Variants in STARD13 observed in about 807,000 individuals in gnomAD.
STARD13 encodes the protein stAR-related lipid transfer protein 13.
A neutral mutation model predicts 106.4 loss-of-function variants in STARD13; 62 were observed. The observed-to-expected ratio is 0.58, with a 90% CI of 0.48 to 0.72. The LOEUF (loss-of-function observed/expected upper bound fraction) is 0.72, where lower values mean the gene tolerates loss of function less well. Ranked by LOEUF, STARD13 falls within the 30% of genes least tolerant of loss-of-function variation. The pLI is 0.00. For synonymous variants in STARD13, 565 were observed against 553.0 expected, an observed-to-expected ratio of 1.02 and a Z score of -0.31; for missense variants, 1,387 against 1,424.0, an observed-to-expected ratio of 0.97 and a Z score of 0.42.
the STARD13 span, among the ~76,000 whole-genome samples, chr13:33,569,478 A>G: frequency 6.8e-6 from 1 of 147,686 alleles, no homozygotes; most frequent in Non-Finnish European, 1.5e-5. Context: ...GAGGGTTTTT[A>G]TGTTCAATTG....
chr13:33,118,563 T>C (rs1177335852), intron 7 of STARD13, among the ~76,000 whole-genome samples: 1 of 152,222 alleles, frequency 6.6e-6, no homozygotes, highest in African/African-American at 2.4e-5. Flanking sequence ...TTTTATTCAT[T>C]TATTCAACAA....
chr13:33,262,994 G>A (rs776325661), intron 1 of STARD13, among the ~76,000 whole-genome samples: 1 of 152,150 alleles, frequency 6.6e-6, no homozygotes, highest in Non-Finnish European at 1.5e-5. Context: ...ACATGAGACC[G>A]AAGATCTCAA....
chr13:33,168,864 A>C (rs1883625149), intron 1 of STARD13, among the ~76,000 whole-genome samples: 1 of 152,246 alleles, frequency 6.6e-6, no homozygotes, highest in Non-Finnish European at 1.5e-5. Context: ...TTACTCAGGC[A>C]TCACCAGGAA....
At chr13:33,617,066 A>G in the STARD13 span, among the ~76,000 whole-genome samples, 1 of 152,140 alleles carries the variant, frequency 6.6e-6, no homozygotes, top group African/African-American at 2.4e-5. Flanking sequence ...TTAAAATGGA[A>G]CTATAAGCGT....
At chr13:33,274,988 C>T (rs1461894727) in intron 1 of STARD13, among the ~76,000 whole-genome samples, 2 of 152,104 alleles carry the variant, frequency 1.3e-5, no homozygotes, top group African/African-American at 2.4e-5. Flanking sequence ...CAAGTGATTC[C>T]GAGAGCTAGG....
chr13:33,450,191 T>C, the STARD13 span, among the ~76,000 whole-genome samples: 2 of 152,204 alleles, frequency 1.3e-5, no homozygotes, highest in African/African-American at 4.8e-5. Flanking sequence ...TTCAGCTTTT[T>C]CCCTTTCAGA....
the STARD13 span, among the ~76,000 whole-genome samples, chr13:33,656,553 A>T: frequency 2.6e-5 from 4 of 152,226 alleles, no homozygotes; most frequent in Non-Finnish European, 5.9e-5. Context: ...CTCATTGGTC[A>T]TGTAGACATT....
the STARD13 span, among the ~76,000 whole-genome samples, chr13:33,464,010 T>C: frequency 4.3e-5 from 6 of 139,544 alleles, no homozygotes; most frequent in African/African-American, 1.5e-4. Flanking sequence ...AGACTCCGTC[T>C]CAAAAAAAAA....
chr13:33,439,605 G>T, the STARD13 span: 860 of 592,996 alleles, frequency 1.5e-3, 9 homozygotes, highest in African/African-American at 0.015. Flanking sequence ...AACACTTATG[G>T]CATGTTTAAA....
rs773662077 is a variant in STARD13 at position 33,186,346 on chromosome 13, CAG to C, written c.170-18726_170-18725del. On this transcript the variant is annotated intron_variant, in intron 1 of 13. Transcript: ENST00000336934. ...ATGTTCCACTCATTCACATTCTCAACAGAGTCTTTTAGTAGCGAACAGAACTC... is the reference window on the plus strand; with the variant it reads ...ATGTTCCACTCATTCACATTCTCAACAGTCTTTTAGTAGCGAACAGAACTC... Among the ~76,000 whole-genome samples, 5 of 152,230 alleles carry C rather than the reference CAG, an allele frequency of 3.3e-5. No individual in the cohort carries two copies. In the South Asian group the frequency reaches 6.2e-4, roughly 19 times the overall value.
the STARD13 span, among the ~76,000 whole-genome samples, chr13:33,630,710 G>A: frequency 6.6e-6 from 1 of 152,158 alleles, no homozygotes; most frequent in Non-Finnish European, 1.5e-5. Flanking sequence ...TCATAGTGCT[G>A]GATATGTGCT....
the STARD13 span, among the ~76,000 whole-genome samples, chr13:33,558,778 G>A: frequency 1.3e-5 from 2 of 151,322 alleles, no homozygotes; most frequent in East Asian, 3.9e-4. Context: ...TGTTTATTCT[G>A]ACAAATATAA....
chr13:33,270,518 T>C (rs1891105608), intron 1 of STARD13, among the ~76,000 whole-genome samples: 1 of 152,164 alleles, frequency 6.6e-6, no homozygotes, highest in African/African-American at 2.4e-5. Context: ...TCAATTATAT[T>C]ACAGAATAGT....
chr13:33,621,062 C>A, the STARD13 span, among the ~76,000 whole-genome samples: 1 of 151,576 alleles, frequency 6.6e-6, no homozygotes, highest in Non-Finnish European at 1.5e-5. Context: ...TAAGTCCCAT[C>A]TTAAGAAGTA....
At chr13:33,200,681 T>C (rs1886955459) in intron 1 of STARD13, among the ~76,000 whole-genome samples, 1 of 152,236 alleles carries the variant, frequency 6.6e-6, no homozygotes, top group South Asian at 2.1e-4. Context: ...TGCACCCACT[T>C]ACTCTGTTGT....
chr13:33,262,507 G>C (rs905723777), intron 1 of STARD13, among the ~76,000 whole-genome samples: 4 of 152,060 alleles, frequency 2.6e-5, no homozygotes, highest in Non-Finnish European at 4.4e-5. Flanking sequence ...GAACTTTCTG[G>C]GGTTTAAATT....
chr13:33,427,909 C>T, the STARD13 span, among the ~76,000 whole-genome samples: 2 of 148,882 alleles, frequency 1.3e-5, no homozygotes, highest in East Asian at 2.0e-4. Context: ...GAGCTGAGAT[C>T]GTGCCACTGC....
the STARD13 span, among the ~76,000 whole-genome samples, chr13:33,632,773 T>C: frequency 6.6e-6 from 1 of 152,178 alleles, no homozygotes; most frequent in Non-Finnish European, 1.5e-5. Flanking sequence ...AGTCTCATTG[T>C]TTTTCTACAG....
chr13:33,306,856 A>G (rs1892924329), intron 1 of STARD13, among the ~76,000 whole-genome samples: 1 of 152,180 alleles, frequency 6.6e-6, no homozygotes, highest in South Asian at 2.1e-4. Flanking sequence ...AGGCTGAGGC[A>G]GGAGAATCAC....
Sources: gnomAD v4.1 joint callset for allele counts (sites outside exome capture counted in the v4.1 genomes callset) on GRCh38, gnomAD v4.1.1 for gene constraint, MANE v1.5 for transcripts, NCBI Gene and HGNC (gene_info 2026-07-23, HGNC 2026-07-21) for gene names.